The following CCSER1 variants were observed in gnomAD, a reference collection of about 807,000 sequenced individuals.
CCSER1 encodes serine-rich coiled-coil domain-containing protein 1.
A neutral mutation model predicts 82.0 loss-of-function variants in CCSER1; 41 were observed. The ratio of observed to expected loss-of-function variants is 0.50; its 90% CI spans 0.39 to 0.65. The LOEUF is 0.65. Ranked by LOEUF, CCSER1 falls within the 30% of genes least tolerant of loss-of-function variation. CCSER1 has a pLI of 0.00. For synonymous variants in CCSER1, 414 were observed against 383.9 expected (o/e 1.08, Z -0.92); for missense variants, 1,119 against 1,064.2 (o/e 1.05, Z -0.72).
chr4:90,765,670 T>C (rs1036572611), intron 7 of CCSER1, among the ~76,000 whole-genome samples: 11 of 152,116 alleles, frequency 7.2e-5, no homozygotes, highest in Admixed American at 2.0e-4. Flanking sequence ...AGCTATGGTT[T>C]CTTTGTTTCA....
chr4:91,506,331 C>T (rs776048348), intron 10 of CCSER1, among the ~76,000 whole-genome samples: 7 of 151,814 alleles, frequency 4.6e-5, no homozygotes, highest in Non-Finnish European at 8.8e-5. Context: ...TTTTGGCTAC[C>T]GTAGCCTTGT....
intron 5 of CCSER1, among the ~76,000 whole-genome samples, chr4:90,486,943 G>C (rs1214990255): frequency 6.6e-6 from 1 of 152,160 alleles, no homozygotes; most frequent in Non-Finnish European, 1.5e-5. Flanking sequence ...ACAAAGTCTT[G>C]CTCTGTTGCC....
At chr4:91,027,366 G>GTT (rs67758362) in intron 9 of CCSER1, among the ~76,000 whole-genome samples, 18 of 150,648 alleles carry the variant, frequency 1.2e-4, no homozygotes, top group Non-Finnish European at 2.2e-4. Flanking sequence ...AGTTAATTGG[G>GTT]TTTTTTTTTA....
At chr4:90,729,085 A>G (rs983358751) in intron 7 of CCSER1, among the ~76,000 whole-genome samples, 2 of 152,142 alleles carry the variant, frequency 1.3e-5, no homozygotes, top group African/African-American at 2.4e-5. Context: ...TTTGTGTCCA[A>G]ATATCTTATT....
intron 10 of CCSER1, among the ~76,000 whole-genome samples, chr4:91,562,127 A>G (rs765706235): frequency 6.6e-6 from 1 of 151,552 alleles, no homozygotes; most frequent in Non-Finnish European, 1.5e-5. Flanking sequence ...TGTAACTTCA[A>G]TCACATTTTA....
intron 8 of CCSER1, among the ~76,000 whole-genome samples, chr4:90,837,246 A>G (rs569429039): frequency 2.6e-5 from 4 of 152,264 alleles, no homozygotes; most frequent in East Asian, 1.9e-4. Context: ...TTCTAAGTAT[A>G]TATCTTTTTA....
chr4:91,381,087 T>C (rs1750852936), intron 10 of CCSER1, among the ~76,000 whole-genome samples: 1 of 152,216 alleles, frequency 6.6e-6, no homozygotes, highest in Non-Finnish European at 1.5e-5. Flanking sequence ...CACTCTCTTC[T>C]GGATTATAGA....
chr4:90,622,836 T>C (rs1202910140), intron 5 of CCSER1, among the ~76,000 whole-genome samples: 1 of 152,128 alleles, frequency 6.6e-6, no homozygotes, highest in African/African-American at 2.4e-5. Context: ...CTTGAGGAAT[T>C]GCCACACTGT....
intron 4 of CCSER1, among the ~76,000 whole-genome samples, chr4:90,466,742 C>A (rs546589009): frequency 6.6e-6 from 1 of 152,304 alleles, no homozygotes; most frequent in South Asian, 2.1e-4. Flanking sequence ...AACTGAAACT[C>A]TTTCTCTATT....
chr4:91,541,349 G>C (rs1304926488), intron 10 of CCSER1, among the ~76,000 whole-genome samples: 1 of 152,106 alleles, frequency 6.6e-6, no homozygotes, highest in Non-Finnish European at 1.5e-5. Flanking sequence ...ATTTTTATTA[G>C]GTATATCTCC....
At chr4:91,381,922 G>A (rs533613304) in intron 10 of CCSER1, among the ~76,000 whole-genome samples, 1 of 152,260 alleles carries the variant, frequency 6.6e-6, no homozygotes, top group African/African-American at 2.4e-5. Flanking sequence ...TGGGGTTTTG[G>A]TGTAGATGTC....
intron 3 of CCSER1, among the ~76,000 whole-genome samples, chr4:90,319,739 T>A (rs1736798204): frequency 6.6e-6 from 1 of 152,200 alleles, no homozygotes; most frequent in Non-Finnish European, 1.5e-5. Flanking sequence ...TATGTAAAAA[T>A]GTTAATGGCT....
intron 10 of CCSER1, among the ~76,000 whole-genome samples, chr4:91,566,475 C>G (rs183309450): frequency 9.2e-5 from 14 of 152,120 alleles, no homozygotes; most frequent in Non-Finnish European, 1.3e-4. Flanking sequence ...ACTACCTCTT[C>G]TTTGAGCATC....
chr4:90,983,385 G>A (rs760724685), intron 9 of CCSER1, among the ~76,000 whole-genome samples: 1 of 151,438 alleles, frequency 6.6e-6, no homozygotes, highest in Non-Finnish European at 1.5e-5. Flanking sequence ...CAGCAACTCT[G>A]TTATTTTGTC....
chr4:90,657,211 CAT>C (rs979486156), intron 6 of CCSER1, among the ~76,000 whole-genome samples: 1 of 151,968 alleles, frequency 6.6e-6, no homozygotes, highest in African/African-American at 2.4e-5. Flanking sequence ...CATCTTAAAA[CAT>C]ATTTTAACTA....
intron 10 of CCSER1, among the ~76,000 whole-genome samples, chr4:91,455,783 G>A (rs544787588): frequency 7.2e-5 from 11 of 152,042 alleles, no homozygotes; most frequent in Non-Finnish European, 1.3e-4. Flanking sequence ...TAGAATATTA[G>A]GATATTAGAC....
At chr4:90,840,051 TATAAC>T (rs1234343207) in intron 8 of CCSER1, among the ~76,000 whole-genome samples, 1 of 151,994 alleles carries the variant, frequency 6.6e-6, no homozygotes, top group Non-Finnish European at 1.5e-5. Flanking sequence ...ATATAATCCA[TATAAC>T]ATAGCATTTA....
chr4:90,298,127 C>G (rs1346234597), intron 1 of CCSER1, among the ~76,000 whole-genome samples: 6 of 152,018 alleles, frequency 3.9e-5, no homozygotes, highest in Non-Finnish European at 8.8e-5. Flanking sequence ...TGGTCCTGGA[C>G]TCTTTTTGGT....
chr4:90,412,029 G>A (rs1214362472), intron 4 of CCSER1, among the ~76,000 whole-genome samples: 1 of 151,870 alleles, frequency 6.6e-6, no homozygotes, highest in African/African-American at 2.4e-5. Context: ...GTTTATTGCG[G>A]CACTATTCAC....
Sources: gnomAD v4.1 joint callset for allele counts (sites outside exome capture counted in the v4.1 genomes callset) on GRCh38, gnomAD v4.1.1 for gene constraint, MANE v1.5 for transcripts, NCBI Gene and HGNC (gene_info 2026-07-23, HGNC 2026-07-21) for gene names.